DYDC1: variants seen among roughly 807,000 people sequenced by gnomAD.
The protein encoded by DYDC1 is DPY30 domain containing 1.
DYDC1 carries 21 observed loss-of-function variants against 27.9 expected under a neutral mutation model. The ratio of observed to expected loss-of-function variants is 0.75; its 90% CI spans 0.53 to 1.08. The LOEUF (loss-of-function observed/expected upper bound fraction) is 1.08, where lower values mean the gene tolerates loss of function less well. Ranked by LOEUF, DYDC1 falls within the 50% of genes least tolerant of loss-of-function variation. The probability of loss-of-function intolerance (pLI) is 0.00; values close to 1 mark genes in which losing one functional copy is unlikely to be tolerated. For missense variants in DYDC1, 202 were observed against 205.9 expected, an observed-to-expected ratio of 0.98 and a Z score of 0.12; for synonymous variants, 67 against 65.8, an observed-to-expected ratio of 1.02 and a Z score of -0.09.
At chr10:80,353,755 G>A (rs1209949171) in intron 1 of DYDC1, among the ~76,000 whole-genome samples, 1 of 151,908 alleles carries the variant, frequency 6.6e-6, no homozygotes, top group Non-Finnish European at 1.5e-5. Flanking sequence ...CTGGGATGAT[G>A]ATACCCATTT....
intron 3 of DYDC1, among the ~76,000 whole-genome samples, chr10:80,343,465 T>G (rs1842425187): frequency 6.6e-6 from 1 of 152,004 alleles, no homozygotes; most frequent in Non-Finnish European, 1.5e-5. Flanking sequence ...TTTAAAAAAA[T>G]TATATCCATT....
intron 3 of DYDC1, among the ~76,000 whole-genome samples, chr10:80,350,784 A>C (rs1057381856): frequency 1.3e-5 from 2 of 152,214 alleles, no homozygotes; most frequent in Admixed American, 6.5e-5. Flanking sequence ...GCTTAAATTT[A>C]GCTTAGAAGC....
rs145901052 is a variant in DYDC1 at position 80,338,531 on chromosome 10, C to T, written c.440G>A (p.Ser147Asn). ...LDSGKTLAEI[S>N]DRYGAPNLSR... The stretch of plus-strand genomic sequence containing the variant: ...CAAGTTAGGTGCTCCATAACGATCG[C>T]TGATTTCAGCTAGTGTTTTGCCTGA... Residue 147 changes from serine to asparagine, a missense_variant, in exon 6 of 7, where the codon AGC becomes AAC. Transcript: ENST00000372202. 2 of 1,610,096 alleles carry T rather than the reference C, an allele frequency of 1.2e-6. No individual in the cohort carries two copies. The highest frequency in any genetic ancestry group is 1.7e-6 in the Non-Finnish European group (2 of 1,178,638).
At chr10:80,342,415 AG>A in intron 3 of DYDC1, 54 bp from the exon 4 acceptor site, 1 of 1,555,316 alleles carries the variant, frequency 6.4e-7, no homozygotes, top group Admixed American at 1.7e-5. Context: ...AAGATAATTA[AG>A]TTTATACCCA....
intron 6 of DYDC1, chr10:80,337,949 A>T: frequency 2.4e-6 from 1 of 417,574 alleles, no homozygotes; most frequent in Non-Finnish European, 3.2e-6. Context: ...CATGACTATT[A>T]AATGTTCATC....
At chr10:80,345,534 A>C (rs1842561919) in intron 3 of DYDC1, among the ~76,000 whole-genome samples, 1 of 152,082 alleles carries the variant, frequency 6.6e-6, no homozygotes, top group Non-Finnish European at 1.5e-5. Context: ...TTCATACTAC[A>C]CAATTGCAAT....
At chr10:80,339,069 A>G in intron 5 of DYDC1, 28 bp downstream of exon 5, 1 of 1,280,198 alleles carries the variant, frequency 7.8e-7, no homozygotes, top group Non-Finnish European at 1.1e-6. Context: ...TTCATTTCAC[A>G]TAACATAGAA....
intron 1 of DYDC1, among the ~76,000 whole-genome samples, chr10:80,353,259 A>C (rs902009614): frequency 2.6e-5 from 4 of 151,500 alleles, no homozygotes; most frequent in Admixed American, 6.6e-5. Context: ...TTTCAAGTTC[A>C]CCTCCAGACA....
intron 6 of DYDC1, among the ~76,000 whole-genome samples, chr10:80,337,757 T>G (rs534787036): frequency 8.8e-4 from 134 of 152,242 alleles, no homozygotes; most frequent in Admixed American, 1.6e-3. Context: ...AGCAAATCAT[T>G]AGCTTCCTTC....
intron 1 of DYDC1, among the ~76,000 whole-genome samples, chr10:80,354,121 T>TA (rs373127565): frequency 1.6e-4 from 23 of 144,034 alleles, no homozygotes; most frequent in Admixed American, 2.8e-4. Context: ...GTCTCATATA[T>TA]AAAAAAAAAT....
chr10:80,352,239 G>GA (rs1190662772), intron 2 of DYDC1, among the ~76,000 whole-genome samples: 1 of 152,040 alleles, frequency 6.6e-6, no homozygotes, highest in African/African-American at 2.4e-5. Context: ...TAAATCTATA[G>GA]AAAAAAGACT....
chr10:80,342,212 G>T, intron 4 of DYDC1, 57 bp downstream of exon 4: 2 of 1,542,224 alleles, frequency 1.3e-6, no homozygotes, highest in Non-Finnish European at 1.8e-6. Flanking sequence ...GAAATAAACA[G>T]TTTGAAGATT....
At chr10:80,338,256 T>G in intron 6 of DYDC1, 3 of 985,460 alleles carry the variant, frequency 3.0e-6, no homozygotes, top group Non-Finnish European at 3.6e-6. Context: ...TACGGAGATA[T>G]AGATAAGCCA....
At chr10:80,354,190 T>C (rs73301483) in intron 1 of DYDC1, among the ~76,000 whole-genome samples, 6,223 of 150,786 alleles carry the variant, frequency 0.041, 401 homozygotes, top group African/African-American at 0.14. Context: ...GTTAAACAAA[T>C]GTATAATGAA....
chr10:80,356,488 G>A (rs1843375368), intron 1 of DYDC1: 1 of 985,212 alleles, frequency 1.0e-6, no homozygotes, highest in Non-Finnish European at 1.2e-6. Flanking sequence ...AGTCTGGAAG[G>A]GTCTCCCGCA....
chr10:80,338,030 C>G (rs1842190017), intron 6 of DYDC1: 1 of 959,366 alleles, frequency 1.0e-6, no homozygotes, highest in African/African-American at 1.8e-5. Context: ...ACCACAGCAT[C>G]AGGCACAGTG....
intron 2 of DYDC1, 42 bp downstream of exon 2, chr10:80,352,413 G>T: frequency 6.6e-7 from 1 of 1,514,792 alleles, no homozygotes; most frequent in Non-Finnish European, 8.8e-7. Context: ...AGTTGGACCA[G>T]TTTTTTTTCT....
chr10:80,355,897 A>C (rs1843337367), intron 1 of DYDC1, among the ~76,000 whole-genome samples: 1 of 152,118 alleles, frequency 6.6e-6, no homozygotes, highest in Non-Finnish European at 1.5e-5. Flanking sequence ...TGACTTTGGA[A>C]CACAGTATCT....
In DYDC1 at chr10:80,339,185, G is replaced by T. The variant is rs749770340; in HGVS notation, c.343-32C>A. On this transcript the variant is annotated intron_variant, in intron 4 of 6. Coordinates refer to ENST00000372202, the MANE Select transcript of DYDC1 (RefSeq NM_001269053.2). ...TATATAAAAATTAAGAAAATACTTTGAATATACTCCATTTTGATTTCATGT... is the reference window on the plus strand; with the variant it reads ...TATATAAAAATTAAGAAAATACTTTTAATATACTCCATTTTGATTTCATGT... 11 of 926,458 alleles carry T rather than the reference G, an allele frequency of 1.2e-5. No individual in the cohort carries two copies. In the Admixed American group the frequency reaches 2.8e-4, roughly 24 times the overall value. The allele number at this position is 926,458 out of a possible 1,614,324, so 57.4% of individuals were successfully genotyped here.
Sources: gnomAD v4.1 joint callset for allele counts (sites outside exome capture counted in the v4.1 genomes callset) on GRCh38, gnomAD v4.1.1 for gene constraint, MANE v1.5 for transcripts, NCBI Gene and HGNC (gene_info 2026-07-23, HGNC 2026-07-21) for gene names.